SOD2: variants seen among roughly 807,000 people sequenced by gnomAD.
SOD2 encodes superoxide dismutase [Mn], mitochondrial.
Under a neutral mutation model 27.0 loss-of-function variants are expected in SOD2, and 11 were observed. The ratio of observed to expected loss-of-function variants is 0.41; its 90% CI spans 0.26 to 0.67. The LOEUF (loss-of-function observed/expected upper bound fraction) is 0.67. Among genes scored for constraint, SOD2 ranks in the 30% least tolerant of loss-of-function variants. The pLI is 0.34. For missense variants in SOD2, 250 were observed against 274.5 expected (o/e 0.91, Z 0.63); for synonymous variants, 105 against 103.0 (o/e 1.02, Z -0.12).
Position 159,676,082 on chromosome 6 carries a change from A to T in SOD2, c.*6411T>A, listed in dbSNP as rs1488507636. The T allele has an allele frequency of 6.6e-6, 1 of 152,212 alleles. No individual in the cohort carries two copies. The highest frequency in any genetic ancestry group is 1.5e-5 in the Non-Finnish European group (1 of 68,038). 9.4% of individuals were successfully genotyped at this position (152,212 alleles called of 1,614,324 possible). A position where few individuals can be genotyped will look rare whatever the true frequency, so the allele number is the denominator to read the frequency against. On this transcript the variant is annotated 3_prime_UTR_variant, in exon 5 of 5. Transcript: ENST00000538183. ...ACACCAGTTAGAATGTCAATCATTA[A>T]AAAGTCAGGAAACAACAGGTGCTGG...
chr6:159,734,091 A>G (rs1778756093), intron 1 of SOD2, among the ~76,000 whole-genome samples: 1 of 152,244 alleles, frequency 6.6e-6, no homozygotes, highest in African/African-American at 2.4e-5. Context: ...TGTACGTAGT[A>G]TAAAACATGC....
intron 1 of SOD2, among the ~76,000 whole-genome samples, chr6:159,698,945 C>T (rs568963911): frequency 8.0e-5 from 7 of 87,140 alleles, no homozygotes; most frequent in Admixed American, 6.9e-4. Context: ...GGGTGGGGGG[C>T]GGGGGTGGAG....
At chr6:159,725,743 CATAA>C (rs1006184170) in intron 1 of SOD2, 2 of 151,534 alleles carry the variant, frequency 1.3e-5, no homozygotes, top group African/African-American at 4.8e-5. Flanking sequence ...AGCATATACA[CATAA>C]ATATTCATAT....
At chr6:159,724,491 T>C (rs1201645839) in intron 1 of SOD2, among the ~76,000 whole-genome samples, 1 of 152,210 alleles carries the variant, frequency 6.6e-6, no homozygotes, top group African/African-American at 2.4e-5. Flanking sequence ...AATACACAGT[T>C]GACCCTTGAA....
At chr6:159,692,947 G>A in intron 1 of SOD2, 84 bp from the exon 2 acceptor site, 2 of 1,383,394 alleles carry the variant, frequency 1.4e-6, no homozygotes, top group Non-Finnish European at 1.9e-6. Flanking sequence ...GGCAGCGCGC[G>A]GCGTCCCCCG....
chr6:159,700,308 G>A (rs1040657910), intron 1 of SOD2, among the ~76,000 whole-genome samples: 3 of 152,206 alleles, frequency 2.0e-5, no homozygotes, highest in Admixed American at 6.5e-5. Flanking sequence ...TGATGCAGTA[G>A]CTCCAGTAAT....
At chr6:159,724,179 A>G (rs1778095236) in intron 1 of SOD2, among the ~76,000 whole-genome samples, 1 of 151,768 alleles carries the variant, frequency 6.6e-6, no homozygotes, top group African/African-American at 2.4e-5. Context: ...AAAAATGGAG[A>G]CAGGGTCTTG....
At chr6:159,687,040 T>C (rs777300830) in intron 3 of SOD2, among the ~76,000 whole-genome samples, 1 of 152,226 alleles carries the variant, frequency 6.6e-6, no homozygotes, top group Non-Finnish European at 1.5e-5. Flanking sequence ...AACAACTGAC[T>C]TTTTATCAGT....
At chr6:159,699,462 G>A (rs546580196) in intron 1 of SOD2, among the ~76,000 whole-genome samples, 25 of 152,112 alleles carry the variant, frequency 1.6e-4, no homozygotes, top group African/African-American at 5.3e-4. Context: ...TGAGAGTCCG[G>A]CAGAGCCCTC....
intron 1 of SOD2, among the ~76,000 whole-genome samples, chr6:159,736,977 C>T (rs1477102510): frequency 6.6e-6 from 1 of 152,178 alleles, no homozygotes; most frequent in Non-Finnish European, 1.5e-5. Context: ...AGTCAGATTA[C>T]TCATTAAATG....
rs892672477 is a variant in SOD2, at chr6:159,669,174, T to A, written c.*13319A>T. The A allele has an allele frequency of 6.6e-6, 1 of 152,184 alleles. No homozygotes were observed. The highest frequency in any genetic ancestry group is 2.4e-5 in the African/African-American group (1 of 41,432). The allele number at this position is 152,184 out of a possible 1,614,324, so 9.4% of individuals were successfully genotyped here. ...ACAAATAAAAGGCGTTCTGTCGGAA[T>A]TATCATGCACTGTGGTGGAAAGAAC... On this transcript the variant is annotated 3_prime_UTR_variant, in exon 5 of 5. Coordinates refer to ENST00000538183, the MANE Select transcript of SOD2 (RefSeq NM_000636.4).
intron 1 of SOD2, among the ~76,000 whole-genome samples, chr6:159,703,024 A>G (rs1007708707): frequency 2.0e-5 from 3 of 151,954 alleles, no homozygotes; most frequent in African/African-American, 4.8e-5. Context: ...TTTAAAAAAA[A>G]TGGCTTCCGG....
At chr6:159,691,752 T>C (rs1247310823) in intron 2 of SOD2, 1 of 151,540 alleles carries the variant, frequency 6.6e-6, no homozygotes, top group African/African-American at 2.4e-5. Flanking sequence ...TAACAACATA[T>C]ATTTTAATTG....
chr6:159,748,775 C>T (rs1804050), upstream of SOD2: 2 of 1,234,384 alleles, frequency 1.6e-6, no homozygotes, highest in African/African-American at 3.1e-5. This position sits in a 1 kb window ranked among gnomAD's most constrained non-coding sequence, Gnocchi z 5.6. Context: ...GATTTTAAAT[C>T]ATGAATTGAA....
At chr6:159,709,701 C>G (rs1349249450) in intron 1 of SOD2, among the ~76,000 whole-genome samples, 1 of 152,158 alleles carries the variant, frequency 6.6e-6, no homozygotes, top group Admixed American at 6.6e-5. Flanking sequence ...TTGTGGAAGA[C>G]AGTGTGGCGA....
chr6:159,701,110 C>T (rs1029622014), intron 1 of SOD2, among the ~76,000 whole-genome samples: 3 of 152,096 alleles, frequency 2.0e-5, no homozygotes, highest in Non-Finnish European at 4.4e-5. Flanking sequence ...AAATATAACC[C>T]CACACCTGCT....
chr6:159,689,727 A>C (rs1185399646), intron 2 of SOD2, among the ~76,000 whole-genome samples: 2 of 152,090 alleles, frequency 1.3e-5, no homozygotes, highest in African/African-American at 4.8e-5. Context: ...TGGGAAGCCG[A>C]GGCGGGCAGC....
At chr6:159,697,149 T>TA (rs1043747769), upstream of SOD2, among the ~76,000 whole-genome samples, 2 of 151,958 alleles carry the variant, frequency 1.3e-5, no homozygotes, top group African/African-American at 2.4e-5. Context: ...AAAATGAGTT[T>TA]AAAAAAATCG....
At chr6:159,757,558 G>A (rs925638000) in intron 1 of SOD2, among the ~76,000 whole-genome samples, 15 of 151,938 alleles carry the variant, frequency 9.9e-5, no homozygotes, top group African/African-American at 2.9e-4. Flanking sequence ...GATTACAGGC[G>A]TGCGCCACCA....
Sources: allele counts gnomAD v4.1 joint callset (sites outside exome capture counted in the v4.1 genomes callset), GRCh38; gene constraint gnomAD v4.1.1; non-coding constraint Gnocchi (gnomAD v3.1); transcripts MANE v1.5; gene names NCBI Gene and HGNC (gene_info 2026-07-23, HGNC 2026-07-21).